TMEM234: variants seen among roughly 807,000 people sequenced by gnomAD.
TMEM234 encodes the protein transmembrane protein 234, also known as chromosome 1 open reading frame 91.
Under a neutral mutation model 17.8 loss-of-function variants are expected in TMEM234, and 21 were observed. The ratio of observed to expected loss-of-function variants is 1.18; its 90% CI spans 0.84 to 1.70. The LOEUF is 1.70. TMEM234 is among the 40% of genes most tolerant of loss of function. The pLI is 0.00. For missense variants in TMEM234, 137 were observed against 166.9 expected (o/e 0.82, Z 0.99); for synonymous variants, 83 against 73.5 (o/e 1.13, Z -0.66).
intron 3 of TMEM234, 104 bp downstream of exon 3, chr1:32,221,027 C>T: frequency 1.1e-6 from 1 of 874,894 alleles, no homozygotes; most frequent in Non-Finnish European, 1.9e-6. Flanking sequence ...TCAGCCCTCT[C>T]TCACTGATGG....
chr1:32,215,053 G>GAA (rs75232351), downstream of TMEM234: 3,010 of 1,047,360 alleles, frequency 2.9e-3, 1 homozygote, highest in South Asian at 0.011. Context: ...GCCGGCACTG[G>GAA]AAAAAAAAAA....
downstream of TMEM234, chr1:32,215,922 T>C (rs1638346278): frequency 1.3e-6 from 2 of 1,528,978 alleles, no homozygotes; most frequent in African/African-American, 1.4e-5. Flanking sequence ...AGAGGGCAAC[T>C]GGGGACCACT....
intron 3 of TMEM234, among the ~76,000 whole-genome samples, chr1:32,217,887 G>A (rs995374927): frequency 2.0e-5 from 3 of 152,200 alleles, no homozygotes; most frequent in African/African-American, 4.8e-5. Context: ...CAAAGCCTGC[G>A]CCGTTATTAA....
At chr1:32,215,979 G>A (rs2124218733), downstream of TMEM234, 1 of 1,203,810 alleles carries the variant, frequency 8.3e-7, no homozygotes, top group East Asian at 2.5e-5. Context: ...TGTTCCTCAG[G>A]AGCCAGCACC....
chr1:32,221,863 G>C lies in TMEM234; in HGVS notation c.168+4C>G. 1 of 1,612,638 alleles carries C rather than the reference G, an allele frequency of 6.2e-7. No individual in the cohort carries two copies. The highest frequency in any genetic ancestry group is 8.5e-7 in the Non-Finnish European group (1 of 1,179,874). On this transcript the variant is annotated splice_donor_region_variant and intron_variant, in intron 2 of 4. Coordinates refer to ENST00000309777, the MANE Select transcript of TMEM234 (RefSeq NM_019118.5). The stretch of plus-strand genomic sequence containing the variant: ...CGAGAGAGGGGCCTTTCACAGAGAC[G>C]CACCTCAGTATTCAAGAAGAGGGTC...
rs1638375704 is a variant in TMEM234 at position 32,216,317 on chromosome 1, T to TACC, written c.*533_*535dup. 24 of 1,521,592 alleles carry TACC rather than the reference T, an allele frequency of 1.6e-5. No individual in the cohort carries two copies. In the South Asian group the frequency reaches 2.6e-4, roughly 16 times the overall value. 94.3% of individuals were successfully genotyped at this position (1,521,592 alleles called of 1,614,324 possible). On this transcript the variant is annotated 3_prime_UTR_variant, in exon 5 of 5. Transcript: ENST00000309777. ...GGGGCTGGCAGTGAGGATTTCTGCC[T>TACC]ACCTCATGGGTGGGGCAGGCAAGGC... is the stretch of plus-strand genomic sequence containing the variant.
downstream of TMEM234, chr1:32,215,053 GAAA>G (rs75232351): frequency 4.6e-4 from 480 of 1,048,652 alleles, no homozygotes; most frequent in Admixed American, 8.6e-4. Context: ...GCCGGCACTG[GAAA>G]AAAAAAAAAA....
intron 4 of TMEM234, 84 bp downstream of exon 4, chr1:32,217,175 G>A (rs755221470): frequency 9.3e-6 from 15 of 1,612,176 alleles, no homozygotes; most frequent in Admixed American, 1.7e-5. Context: ...ACCCACTCTG[G>A]GGAGATGGGT....
downstream of TMEM234, chr1:32,215,993 G>A (rs1427071749): frequency 2.4e-5 from 26 of 1,068,756 alleles, no homozygotes; most frequent in East Asian, 1.5e-4. Context: ...CAGCACCTCC[G>A]CTGGGCTCAC....
chr1:32,217,536 G>T, intron 3 of TMEM234, 185 bp from the exon 4 acceptor site: 1 of 1,376,988 alleles, frequency 7.3e-7, no homozygotes, highest in Non-Finnish European at 1.0e-6. Flanking sequence ...TGCTTCCCAG[G>T]ATTCCAGCAT....
chr1:32,215,349 G>C (rs979110287), downstream of TMEM234: 30 of 1,096,830 alleles, frequency 2.7e-5, 1 homozygote, highest in Non-Finnish European at 3.5e-5. Context: ...CCAGGTTCAG[G>C]GGAGGGAAAG....
intron 2 of TMEM234, 147 bp downstream of exon 2, chr1:32,221,720 G>T: frequency 1.8e-6 from 2 of 1,091,216 alleles, no homozygotes; most frequent in Non-Finnish European, 2.7e-6. Flanking sequence ...GCCATTTACA[G>T]ATGATGAAAC....
chr1:32,215,118 A>T, downstream of TMEM234: 3 of 846,476 alleles, frequency 3.5e-6, no homozygotes, highest in Non-Finnish European at 5.3e-6. Context: ...CGTAAAAAAA[A>T]AAAAAGCTGG....
intron 3 of TMEM234, among the ~76,000 whole-genome samples, chr1:32,218,838 C>T (rs1313454608): frequency 6.6e-6 from 1 of 151,808 alleles, no homozygotes; most frequent in Non-Finnish European, 1.5e-5. Context: ...CTTGGGAGGC[C>T]GAGGCAGGAG....
At position 32,217,263 on chromosome 1, in the gene TMEM234, TC is replaced by T; in HGVS notation, c.323del (p.Gly108GlufsTer12). ...ACTCGCAGTAGTCTAACTTACGTTT[TC>T]CACCAATATCTTCTCCAAGGGCCTT... Reference protein sequence around the residue: ...VGKALGEDIGGKRAVAGMVLT... With the variant: ...VGKALGEDIGXKRAVAGMVLT... On this transcript the variant is annotated frameshift_variant, in exon 4 of 5. Coordinates refer to ENST00000309777, the MANE Select transcript of TMEM234 (RefSeq NM_019118.5). LOFTEE classifies it high-confidence loss of function. 1.9e-6 allele frequency: 3 copies of T among 1,614,180 alleles called. No homozygotes were observed. Among genetic ancestry groups the T allele is most frequent in the Non-Finnish European group, 2.5e-6 (3 of 1,180,042 alleles).
chr1:32,218,582 CA>C, intron 3 of TMEM234, among the ~76,000 whole-genome samples: 1 of 152,058 alleles, frequency 6.6e-6, no homozygotes. Context: ...ACGGGCGGAT[CA>C]CCTGAGGTTG....
In TMEM234 at chr1:32,216,461, G is replaced by C; in HGVS notation, c.*392C>G. 6.4e-7 allele frequency: 1 copy of C among 1,551,700 alleles called. No individual in the cohort carries two copies. Among genetic ancestry groups the C allele is most frequent in the Non-Finnish European group, 8.7e-7 (1 of 1,147,004 alleles). ...CAGAGGCCTCCCGTTTGCATTTCTG[G>C]CTCAAAGTCTGCAGCTGGCCCTTTC... On this transcript the variant is annotated 3_prime_UTR_variant, in exon 5 of 5. Transcript: ENST00000309777.
downstream of TMEM234, chr1:32,215,607 G>A: frequency 6.8e-7 from 1 of 1,481,232 alleles, no homozygotes; most frequent in East Asian, 2.3e-5. Flanking sequence ...GAAACTGGCA[G>A]CCTTGGGCCC....
chr1:32,217,045 C>T (rs752440469), intron 4 of TMEM234, 98 bp from the exon 5 acceptor site: 2 of 1,583,208 alleles, frequency 1.3e-6, no homozygotes, highest in Non-Finnish European at 1.7e-6. Flanking sequence ...GTCTGGTCTT[C>T]AATCCCAAAC....
Sources: allele counts gnomAD v4.1 joint callset (sites outside exome capture counted in the v4.1 genomes callset), GRCh38; gene constraint gnomAD v4.1.1; transcripts MANE v1.5; gene names NCBI Gene and HGNC (gene_info 2026-07-23, HGNC 2026-07-21).